ZCCHC2: variants seen among roughly 807,000 people sequenced by gnomAD.
ZCCHC2 encodes zinc finger CCHC-type containing 2, also known as zinc finger CCHC domain-containing protein 2.
In ZCCHC2, 39 loss-of-function variants were observed where a neutral mutation model predicts 103.6. The observed-to-expected ratio is 0.38, with a 90% CI of 0.29 to 0.49. ZCCHC2 has a LOEUF of 0.49. Among genes scored for constraint, ZCCHC2 ranks in the 20% least tolerant of loss-of-function variants. The probability of loss-of-function intolerance (pLI) is 0.96; values close to 1 mark genes in which losing one functional copy is unlikely to be tolerated. For synonymous variants in ZCCHC2, 687 were observed against 608.9 expected (o/e 1.13, Z -1.89); for missense variants, 1,483 against 1,491.0 (o/e 0.99, Z 0.09).
chr18:62,546,936 G>A (rs917509216), intron 4 of ZCCHC2, among the ~76,000 whole-genome samples: 6 of 152,124 alleles, frequency 3.9e-5, no homozygotes, highest in East Asian at 3.9e-4. Flanking sequence ...AATCTGCAAC[G>A]TGTACTTCTG....
Position 62,553,413 on chromosome 18 carries a change from C to T in ZCCHC2, c.1314-2790C>T, listed in dbSNP as rs544529550. ...GTTGTTTCTAAATGTTTTTAAACTA[C>T]TACAATGTCCAGGTATATGATTATT... On this transcript the variant is annotated intron_variant, in intron 5 of 13. Transcript: ENST00000269499. Among the ~76,000 whole-genome samples the T allele has an allele frequency of 9.9e-5, 15 of 152,002 alleles. 1 individual carries two copies. In the South Asian group the frequency reaches 1.5e-3, roughly 15 times the overall value.
At position 62,556,270 on chromosome 18, in the gene ZCCHC2, A is replaced by G. The variant is rs774455319; in HGVS notation, c.1381A>G (p.Ile461Val). 6.9e-6 allele frequency: 11 copies of G among 1,605,232 alleles called. No individual in the cohort carries two copies. Among genetic ancestry groups the G allele is most frequent in the East Asian group, 6.7e-5 (3 of 44,740 alleles). ...SQKVHSFFQS[I>V]SSDSLHSINN... ...GAAAGTACACAGCTTCTTTCAGTCC[A>G]TATCATCAGACTCCCTACACAGTAT... is the stretch of plus-strand genomic sequence containing the variant. The change falls in exon 6 of 14, where the codon ATA (isoleucine) becomes GTA (valine). Residue 461 changes from isoleucine to valine, a missense_variant. By Grantham distance (29) the Ile-to-Val change is conservative (BLOSUM62 3). Transcript: ENST00000269499.
chr18:62,541,146 A>G (rs1381332102), intron 2 of ZCCHC2, among the ~76,000 whole-genome samples: 1 of 152,182 alleles, frequency 6.6e-6, no homozygotes, highest in Non-Finnish European at 1.5e-5. Context: ...ATACCCTCCC[A>G]TCACCACTTT....
In ZCCHC2 at chr18:62,523,594, C is replaced by T. The variant is rs927746382; in HGVS notation, c.170C>T (p.Pro57Leu). 36 of 1,027,728 alleles carry T rather than the reference C, an allele frequency of 3.5e-5. No individual in the cohort carries two copies. In the East Asian group the frequency reaches 1.8e-3, roughly 51 times the overall value. 63.7% of individuals were successfully genotyped at this position (1,027,728 alleles called of 1,614,324 possible). ...PPPPAGPSRG[P>L]LPPPPPPRGL... Reference sequence around the variant, plus strand: ...CCGCCCGCGGGCCCGTCGCGGGGCCCTCTGCCGCCGCCGCCGCCGCCCCGG... The same window carrying T: ...CCGCCCGCGGGCCCGTCGCGGGGCCTTCTGCCGCCGCCGCCGCCGCCCCGG... Residue 57 changes from proline (P) to leucine (L), a missense_variant, in exon 1 of 14, where the codon CCT becomes CTT. This residue lies in a region of ZCCHC2 where 568 missense variants were observed against 525.1 expected (regional missense o/e 1.08). Coordinates refer to ENST00000269499, the MANE Select transcript of ZCCHC2 (RefSeq NM_017742.6).
chr18:62,579,152 C>T (rs1034254373), downstream of ZCCHC2, among the ~76,000 whole-genome samples: 2 of 152,132 alleles, frequency 1.3e-5, no homozygotes, highest in African/African-American at 4.8e-5. Context: ...TACTCGGCTG[C>T]GTGCCAAACA....
At chr18:62,582,923 A>G (rs1464919260), downstream of ZCCHC2, among the ~76,000 whole-genome samples, 2 of 151,900 alleles carry the variant, frequency 1.3e-5, no homozygotes, top group African/African-American at 2.4e-5. Flanking sequence ...GGGCAACATG[A>G]CGAAACCCCA....
At chr18:62,538,777 T>A (rs1915043179) in intron 1 of ZCCHC2, among the ~76,000 whole-genome samples, 1 of 152,192 alleles carries the variant, frequency 6.6e-6, no homozygotes, top group South Asian at 2.1e-4. Flanking sequence ...AACAAAATAT[T>A]TTTAAATTGA....
intron 9 of ZCCHC2, among the ~76,000 whole-genome samples, chr18:62,563,737 T>C (rs1232566211): frequency 6.6e-6 from 1 of 152,230 alleles, no homozygotes; most frequent in East Asian, 1.9e-4. Context: ...CAGATTGTTA[T>C]GCCAAAATTT....
chr18:62,583,451 G>A (rs1326180289), downstream of ZCCHC2, among the ~76,000 whole-genome samples: 1 of 152,172 alleles, frequency 6.6e-6, no homozygotes, highest in South Asian at 2.1e-4. Context: ...AGGTTCCAAA[G>A]AGATGAGAAA....
downstream of ZCCHC2, among the ~76,000 whole-genome samples, chr18:62,579,832 C>A (rs1055715908): frequency 6.6e-6 from 1 of 152,152 alleles, no homozygotes; most frequent in African/African-American, 2.4e-5. Context: ...AAGTGATTCT[C>A]CTGCCTCAGC....
downstream of ZCCHC2, among the ~76,000 whole-genome samples, chr18:62,583,367 A>G (rs1361564267): frequency 6.6e-6 from 1 of 152,212 alleles, no homozygotes; most frequent in African/African-American, 2.4e-5. Flanking sequence ...TTCAGTACCA[A>G]AGTAAAAGTT....
chr18:62,546,221 C>T (rs1915401458), intron 4 of ZCCHC2, among the ~76,000 whole-genome samples: 1 of 152,182 alleles, frequency 6.6e-6, no homozygotes, highest in Non-Finnish European at 1.5e-5. Context: ...GTCTGCTGTG[C>T]TCAGTCATGG....
intron 1 of ZCCHC2, among the ~76,000 whole-genome samples, chr18:62,529,745 G>C (rs1020448294): frequency 6.6e-6 from 1 of 152,078 alleles, no homozygotes; most frequent in Non-Finnish European, 1.5e-5. Context: ...AGGCGGGAGC[G>C]GGTGCTGGAT....
Position 62,550,447 on chromosome 18 carries a change from G to A in ZCCHC2, c.1300G>A (p.Glu434Lys). ...KREERRHPDLEPILRQLFSSS... is the reference protein window; with the variant it reads ...KREERRHPDLKPILRQLFSSS... ...GGAGGAACGGCGACATCCTGACCTA[G>A]AGCCCATCCTAAGGTAATGATTTAC... The change falls in exon 5 of 14, where the codon GAG (glutamate) becomes AAG (lysine). Residue 434 changes from glutamate (E) to lysine (K), a missense_variant. This residue lies in a region of ZCCHC2 where 884 missense variants were observed against 907.5 expected (regional missense o/e 0.97). Coordinates refer to ENST00000269499, the MANE Select transcript of ZCCHC2 (RefSeq NM_017742.6). 1 of 1,613,052 alleles carries A rather than the reference G, an allele frequency of 6.2e-7. No individual in the cohort carries two copies. Among genetic ancestry groups the A allele is most frequent in the Non-Finnish European group, 8.5e-7 (1 of 1,179,454 alleles).
chr18:62,532,940 G>A (rs887932052), intron 1 of ZCCHC2, among the ~76,000 whole-genome samples: 3 of 152,146 alleles, frequency 2.0e-5, no homozygotes, highest in African/African-American at 4.8e-5. Flanking sequence ...AGGAGGCGGA[G>A]GCAGGAGGAT....
At chr18:62,559,505 G>A (rs942337420) in intron 7 of ZCCHC2, among the ~76,000 whole-genome samples, 1 of 152,196 alleles carries the variant, frequency 6.6e-6, no homozygotes, top group African/African-American at 2.4e-5. Flanking sequence ...ATGAAGCAGT[G>A]GGAACTCTCA....
rs1428825232 is a variant in ZCCHC2 at position 62,578,160 on chromosome 18, G to A, written c.*1581G>A. On this transcript the variant is annotated 3_prime_UTR_variant, in exon 14 of 14. Transcript: ENST00000269499. ...CATTTTGAAACTTTCTTTCAGGGGT[G>A]GGAGTTATGGGGAAGGGGTGGGTGT... The A allele has an allele frequency of 6.6e-6, 1 of 152,452 alleles. No homozygotes were observed. Among genetic ancestry groups the A allele is most frequent in the African/African-American group, 2.4e-5 (1 of 41,404 alleles). 9.4% of individuals were successfully genotyped at this position (152,452 alleles called of 1,614,324 possible).
intron 1 of ZCCHC2, among the ~76,000 whole-genome samples, chr18:62,530,864 C>T (rs905404252): frequency 1.4e-4 from 22 of 152,196 alleles, no homozygotes; most frequent in Admixed American, 1.2e-3. Context: ...ATCCTGTTTT[C>T]ACATTTAGCT....
At chr18:62,558,823 T>G in intron 7 of ZCCHC2, 53 bp downstream of exon 7, 3 of 1,225,246 alleles carry the variant, frequency 2.4e-6, no homozygotes, top group Non-Finnish European at 3.4e-6. Flanking sequence ...AGCACATGGA[T>G]AGAACATTTA....
Sources: allele counts gnomAD v4.1 joint callset (sites outside exome capture counted in the v4.1 genomes callset), GRCh38; gene constraint gnomAD v4.1.1; regional missense constraint gnomAD v4.1.1; transcripts MANE v1.5; gene names NCBI Gene and HGNC (gene_info 2026-07-23, HGNC 2026-07-21).